Variants in NAALADL2 observed in about 807,000 individuals in gnomAD.
The protein encoded by NAALADL2 is inactive N-acetylated-alpha-linked acidic dipeptidase-like protein 2.
A neutral mutation model predicts 87.2 loss-of-function variants in NAALADL2; 76 were observed. The ratio of observed to expected loss-of-function variants is 0.87; its 90% CI spans 0.72 to 1.05. NAALADL2 has a LOEUF of 1.05. Ranked by LOEUF, NAALADL2 falls within the 50% of genes least tolerant of loss-of-function variation. The pLI is 0.00. For missense variants in NAALADL2, 1,089 were observed against 945.8 expected (o/e 1.15, Z -1.99); for synonymous variants, 354 against 331.0 (o/e 1.07, Z -0.75).
At chr3:175,728,593 T>C (rs1743246494) in intron 11 of NAALADL2, among the ~76,000 whole-genome samples, 5 of 152,124 alleles carry the variant, frequency 3.3e-5, no homozygotes, top group Non-Finnish European at 1.5e-5. Flanking sequence ...TGTTGTTAAA[T>C]TGGGGAATTT....
intron 1 of NAALADL2, among the ~76,000 whole-genome samples, chr3:175,073,989 A>G (rs1716130964): frequency 6.6e-6 from 1 of 152,030 alleles, no homozygotes; most frequent in Non-Finnish European, 1.5e-5. Flanking sequence ...TGTATACATG[A>G]AACTTTCCTG....
intron 3 of NAALADL2, among the ~76,000 whole-genome samples, chr3:174,748,666 C>T (rs879628179): frequency 3.3e-5 from 5 of 152,062 alleles, no homozygotes; most frequent in Non-Finnish European, 7.4e-5. Context: ...TAAAATGTTA[C>T]GAGAATCTAG....
At chr3:175,126,338 A>G (rs1231484284) in intron 2 of NAALADL2, among the ~76,000 whole-genome samples, 2 of 152,242 alleles carry the variant, frequency 1.3e-5, no homozygotes, top group South Asian at 4.1e-4. Context: ...GGGAAAAGGT[A>G]CATTTTAAAG....
chr3:175,605,102 T>G (rs1164657617), intron 10 of NAALADL2, among the ~76,000 whole-genome samples: 1 of 152,196 alleles, frequency 6.6e-6, no homozygotes, highest in African/African-American at 2.4e-5. Flanking sequence ...TGCTTGCTAG[T>G]ACCCACACTC....
At chr3:174,549,860 A>T (rs907906085) in intron 1 of NAALADL2, among the ~76,000 whole-genome samples, 2 of 152,052 alleles carry the variant, frequency 1.3e-5, no homozygotes, top group Admixed American at 6.6e-5. Flanking sequence ...AGTTCCGGTG[A>T]TGGGGAGCAT....
chr3:175,739,078 C>T (rs1200739011), intron 12 of NAALADL2, among the ~76,000 whole-genome samples: 1 of 152,022 alleles, frequency 6.6e-6, no homozygotes, highest in African/African-American at 2.4e-5. Context: ...AATACTTGTT[C>T]ATCTAAAAGC....
intron 1 of NAALADL2, among the ~76,000 whole-genome samples, chr3:174,911,964 A>G (rs1010829754): frequency 3.3e-5 from 5 of 152,112 alleles, no homozygotes; most frequent in Admixed American, 6.5e-5. Context: ...CTAGGGCTGG[A>G]AATTGACCTT....
intron 1 of NAALADL2, among the ~76,000 whole-genome samples, chr3:174,930,691 G>A (rs1302719411): frequency 1.4e-5 from 2 of 138,426 alleles, no homozygotes; most frequent in South Asian, 2.3e-4. Flanking sequence ...GCGCGATCTC[G>A]GCTCACTGCA....
chr3:174,978,043 C>T (rs146678392), intron 1 of NAALADL2, among the ~76,000 whole-genome samples: 4 of 152,300 alleles, frequency 2.6e-5, no homozygotes, highest in Non-Finnish European at 5.9e-5. Context: ...GCTTTCTGTG[C>T]ACCTCACAAC....
intron 2 of NAALADL2, among the ~76,000 whole-genome samples, chr3:175,160,518 A>T (rs1023124695): frequency 6.6e-6 from 1 of 150,870 alleles, no homozygotes; most frequent in Non-Finnish European, 1.5e-5. Context: ...ACATCCAGCT[A>T]ATTTTGTATT....
chr3:175,032,971 CAG>C (rs1161747082), intron 1 of NAALADL2, among the ~76,000 whole-genome samples: 1 of 152,050 alleles, frequency 6.6e-6, no homozygotes, highest in African/African-American at 2.4e-5. Context: ...CTCAGCATTT[CAG>C]AGTTTCCTGC....
chr3:174,919,701 T>C (rs1400701240), intron 1 of NAALADL2, among the ~76,000 whole-genome samples: 2 of 152,242 alleles, frequency 1.3e-5, no homozygotes, highest in Admixed American at 1.3e-4. Flanking sequence ...TCATGAATAT[T>C]ATTAATGGCG....
chr3:175,263,860 CT>C (rs1174706302), intron 4 of NAALADL2, among the ~76,000 whole-genome samples: 3 of 151,530 alleles, frequency 2.0e-5, no homozygotes, highest in Non-Finnish European at 3.0e-5. Context: ...ATATAGTACT[CT>C]AAAATTTAAA....
At chr3:175,034,010 T>G (rs1351504424) in intron 1 of NAALADL2, among the ~76,000 whole-genome samples, 1 of 152,184 alleles carries the variant, frequency 6.6e-6, no homozygotes, top group Non-Finnish European at 1.5e-5. Context: ...TCTTGTAGTC[T>G]TCTCCGTTTC....
At chr3:175,762,444 TTTTC>T (rs1748154099) in intron 13 of NAALADL2, among the ~76,000 whole-genome samples, 1 of 152,126 alleles carries the variant, frequency 6.6e-6, no homozygotes, top group Admixed American at 6.5e-5. Flanking sequence ...AAATTTGTCT[TTTTC>T]TTCTTAAATG....
intron 2 of NAALADL2, among the ~76,000 whole-genome samples, chr3:175,127,667 A>G (rs1326819082): frequency 2.0e-5 from 2 of 98,354 alleles, no homozygotes; most frequent in Non-Finnish European, 4.2e-5. Flanking sequence ...TATGCTGACT[A>G]TACTTAATAA....
At chr3:175,670,303 A>C (rs1464529347) in intron 11 of NAALADL2, among the ~76,000 whole-genome samples, 5 of 151,240 alleles carry the variant, frequency 3.3e-5, no homozygotes, top group Non-Finnish European at 5.9e-5. Context: ...CTAACCATAT[A>C]AAGATTTGTA....
chr3:174,819,553 T>G (rs903683590), intron 3 of NAALADL2, among the ~76,000 whole-genome samples: 9 of 152,090 alleles, frequency 5.9e-5, no homozygotes, highest in Non-Finnish European at 1.0e-4. Flanking sequence ...CACAATCACA[T>G]CCTTACCAGA....
intron 2 of NAALADL2, among the ~76,000 whole-genome samples, chr3:174,672,338 C>A (rs1231722366): frequency 6.6e-6 from 1 of 152,056 alleles, no homozygotes; most frequent in Admixed American, 6.6e-5. Context: ...GAAGCACTCA[C>A]TTTGCCAAAA....
Sources: gnomAD v4.1 joint callset for allele counts (sites outside exome capture counted in the v4.1 genomes callset) on GRCh38, gnomAD v4.1.1 for gene constraint, MANE v1.5 for transcripts, NCBI Gene and HGNC (gene_info 2026-07-23, HGNC 2026-07-21) for gene names.